The following DCLK1 variants were observed in gnomAD, a reference collection of about 807,000 sequenced individuals.
DCLK1 encodes the protein serine/threonine-protein kinase DCLK1.
In DCLK1, 16 loss-of-function variants were observed where a neutral mutation model predicts 86.2. The ratio of observed to expected loss-of-function variants is 0.19; its 90% CI spans 0.13 to 0.28. The LOEUF (loss-of-function observed/expected upper bound fraction) is 0.28, where lower values mean the gene tolerates loss of function less well. Among genes scored for constraint, DCLK1 ranks in the 10% least tolerant of loss-of-function variants. The pLI is 1.00. For missense variants in DCLK1, 590 were observed against 940.2 expected, an observed-to-expected ratio of 0.63 and a Z score of 4.87; for synonymous variants, 369 against 370.5, an observed-to-expected ratio of 1.00 and a Z score of 0.05.
At chr13:36,094,673 AGT>A (rs1340858662) in intron 3 of DCLK1, among the ~76,000 whole-genome samples, 1 of 152,198 alleles carries the variant, frequency 6.6e-6, no homozygotes, top group Non-Finnish European at 1.5e-5. Flanking sequence ...TAAACCCCCT[AGT>A]GGCTCCAGAG....
In DCLK1 at chr13:36,056,887, C is replaced by T. The variant is rs1240405979; in HGVS notation, c.723+54982G>A. Among the ~76,000 whole-genome samples the T allele has an allele frequency of 8.8e-5, 8 of 91,006 alleles. No homozygotes were observed. The South Asian group carries it at 3.7e-3, about 43-fold the overall frequency. 59.7% of individuals were successfully genotyped at this position (91,006 alleles called of 152,430 possible). On this transcript the variant is annotated intron_variant, in intron 3 of 16. Transcript: ENST00000360631. ...CTCCAGCCTGGGCGACAGAGCAAGACTGTGACAAAAAAAAAAAAAATATAT... is the reference window on the plus strand; with the variant it reads ...CTCCAGCCTGGGCGACAGAGCAAGATTGTGACAAAAAAAAAAAAAATATAT...
chr13:36,107,973 C>T (rs958264409), intron 3 of DCLK1, among the ~76,000 whole-genome samples: 1 of 152,062 alleles, frequency 6.6e-6, no homozygotes, highest in Non-Finnish European at 1.5e-5. Flanking sequence ...TAAGATCCTG[C>T]AGATCCTCCC....
At chr13:35,813,171 C>G (rs565749429) in intron 11 of DCLK1, among the ~76,000 whole-genome samples, 1 of 152,168 alleles carries the variant, frequency 6.6e-6, no homozygotes, top group Non-Finnish European at 1.5e-5. Flanking sequence ...ATTTTGTTAA[C>G]AATAACCTTT....
chr13:35,920,872 G>A lies in DCLK1; in HGVS notation c.823+26486C>T, dbSNP rs530075076. 1.1e-4 allele frequency among the ~76,000 whole-genome samples: 17 copies of A among 152,110 alleles called. 1 individual carries two copies. Among genetic ancestry groups the A allele is most frequent in the Admixed American group, 4.6e-4 (7 of 15,282 alleles). ...GTGGCCCCCAGCAAGGAAATTGCCC[G>A]TGGTCCCTCACCTATTCCTCTCCTC... On this transcript the variant is annotated intron_variant, in intron 4 of 16. Coordinates refer to ENST00000360631, the MANE Select transcript of DCLK1 (RefSeq NM_001330071.2).
At chr13:36,081,119 A>C (rs1184935130) in intron 3 of DCLK1, among the ~76,000 whole-genome samples, 1 of 152,218 alleles carries the variant, frequency 6.6e-6, no homozygotes, top group African/African-American at 2.4e-5. Flanking sequence ...ATTTCAATGC[A>C]TATAAAAATT....
intron 4 of DCLK1, among the ~76,000 whole-genome samples, chr13:35,907,661 C>T (rs1350717868): frequency 1.3e-5 from 2 of 152,052 alleles, no homozygotes; most frequent in Non-Finnish European, 2.9e-5. Context: ...CCTGCAGAGG[C>T]CATCCCAGGC....
chr13:36,019,809 A>C (rs1881694363), intron 3 of DCLK1, among the ~76,000 whole-genome samples: 1 of 152,210 alleles, frequency 6.6e-6, no homozygotes, highest in Non-Finnish European at 1.5e-5. Flanking sequence ...GGCACATTGT[A>C]ATCTTCAGCA....
At chr13:35,832,843 G>A (rs1049426361) in intron 8 of DCLK1, among the ~76,000 whole-genome samples, 2 of 152,192 alleles carry the variant, frequency 1.3e-5, no homozygotes, top group African/African-American at 2.4e-5. Flanking sequence ...GGAGCCAGAG[G>A]CTCCTCAGGA....
At chr13:35,906,393 T>C (rs535884181) in intron 4 of DCLK1, among the ~76,000 whole-genome samples, 1 of 151,656 alleles carries the variant, frequency 6.6e-6, no homozygotes, top group South Asian at 2.1e-4. Flanking sequence ...GAAAATAGAA[T>C]GAGAACAATT....
At chr13:35,997,590 G>A (rs1880527831) in intron 3 of DCLK1, among the ~76,000 whole-genome samples, 1 of 152,144 alleles carries the variant, frequency 6.6e-6, no homozygotes, top group Admixed American at 6.5e-5. Flanking sequence ...GATTAGTTCA[G>A]TCCTAACCTA....
intron 3 of DCLK1, among the ~76,000 whole-genome samples, chr13:36,008,171 C>CT (rs147540387): frequency 0.98 from 110,765 of 112,464 alleles, 54,573 homozygotes; most frequent in East Asian, 1. Context: ...TCTCTACCAT[C>CT]TTTTTTTTTT....
Position 36,112,212 on chromosome 13 carries a change from T to C in DCLK1, c.380A>G (p.Glu127Gly). 9.0e-6 allele frequency: 14 copies of C among 1,564,116 alleles called. No homozygotes were observed. Among genetic ancestry groups the C allele is most frequent in the South Asian group, 1.2e-5 (1 of 86,916 alleles). ...CTCTATGGAGCCACATACATAACTC[T>C]CTCCTAAGGAAGAGAGAAATATATT... ...ISSLDQLVEG[E>G]SYVCGSIEPF... The change falls in exon 3 of 17, where the codon GAG becomes GGG. Residue 127 changes from glutamate to glycine, a missense_variant. This residue lies in a region of DCLK1 where 195 missense variants were observed against 365.1 expected (regional missense o/e 0.53). Coordinates refer to ENST00000360631, the MANE Select transcript of DCLK1 (RefSeq NM_001330071.2).
chr13:35,910,843 T>C (rs551790577), intron 4 of DCLK1, among the ~76,000 whole-genome samples: 2 of 152,308 alleles, frequency 1.3e-5, no homozygotes, highest in East Asian at 3.9e-4. Flanking sequence ...TCTCTATTCT[T>C]TGTGCAATTA....
intron 4 of DCLK1, among the ~76,000 whole-genome samples, chr13:35,922,839 G>A (rs1025645989): frequency 6.6e-6 from 1 of 152,144 alleles, no homozygotes; most frequent in Non-Finnish European, 1.5e-5. Flanking sequence ...GCTTCAAGTG[G>A]CCCAAGTGGT....
chr13:35,874,375 A>C (rs1204506895), intron 4 of DCLK1, among the ~76,000 whole-genome samples: 1 of 152,154 alleles, frequency 6.6e-6, no homozygotes, highest in Non-Finnish European at 1.5e-5. Flanking sequence ...CATGGAGGAG[A>C]GTGTGTCCTA....
At chr13:36,098,144 G>A (rs1277694994) in intron 3 of DCLK1, among the ~76,000 whole-genome samples, 2 of 152,182 alleles carry the variant, frequency 1.3e-5, no homozygotes, top group East Asian at 3.8e-4. Context: ...TTATCCCTGG[G>A]CTGGATTCAA....
chr13:35,909,636 T>C (rs1874893166), intron 4 of DCLK1, among the ~76,000 whole-genome samples: 1 of 132,804 alleles, frequency 7.5e-6, no homozygotes, highest in Non-Finnish European at 1.7e-5. Flanking sequence ...TGTGTGTGTG[T>C]GTGTATTTTT....
chr13:35,960,543 C>T (rs1468626116), intron 3 of DCLK1, among the ~76,000 whole-genome samples: 1 of 152,210 alleles, frequency 6.6e-6, no homozygotes, highest in African/African-American at 2.4e-5. Flanking sequence ...TGGACTGCCT[C>T]AACCTCCTGG....
In DCLK1 at chr13:35,822,254, G is replaced by A. The variant is rs117188562; in HGVS notation, c.1554+475C>T. 3.8e-3 allele frequency among the ~76,000 whole-genome samples: 573 copies of A among 152,208 alleles called. 4 individuals carry two copies. The highest frequency in any genetic ancestry group is 0.023 in the East Asian group (120 of 5,172). On this transcript the variant is annotated intron_variant, in intron 11 of 16. Coordinates refer to ENST00000360631, the MANE Select transcript of DCLK1 (RefSeq NM_001330071.2). Reference sequence around the variant, plus strand: ...CAGCCTTGACCTCCTGGGCTCAAGAGATCCTCCAGCAACCTCAGCCTCCTG... The same window carrying A: ...CAGCCTTGACCTCCTGGGCTCAAGAAATCCTCCAGCAACCTCAGCCTCCTG...
Sources: allele counts gnomAD v4.1 joint callset (sites outside exome capture counted in the v4.1 genomes callset), GRCh38; gene constraint gnomAD v4.1.1; regional missense constraint gnomAD v4.1.1; transcripts MANE v1.5; gene names NCBI Gene and HGNC (gene_info 2026-07-23, HGNC 2026-07-21).